NIPBL: variants seen among roughly 807,000 people sequenced by gnomAD.
NIPBL encodes NIPBL cohesin loading factor, also known as nipped-B-like protein.
In NIPBL, 19 loss-of-function variants were observed where a neutral mutation model predicts 321.8. The observed-to-expected ratio is 0.06, with a 90% CI of 0.04 to 0.09. The LOEUF (loss-of-function observed/expected upper bound fraction) is 0.09, where lower values mean the gene tolerates loss of function less well. Ranked by LOEUF, NIPBL falls within the 10% of genes least tolerant of loss-of-function variation. The probability of loss-of-function intolerance (pLI) is 1.00; values close to 1 mark genes in which losing one functional copy is unlikely to be tolerated. For synonymous variants in NIPBL, 1,106 were observed against 1,114.1 expected, an observed-to-expected ratio of 0.99 and a Z score of 0.14; for missense variants, 2,210 against 3,327.0, an observed-to-expected ratio of 0.66 and a Z score of 8.26.
Position 37,050,584 on chromosome 5 carries a change from A to G in NIPBL, c.6955-1195A>G, listed in dbSNP as rs147665262. Among the ~76,000 whole-genome samples the G allele has an allele frequency of 4.3e-3, 648 of 151,982 alleles. 4 individuals carry two copies. The highest frequency in any genetic ancestry group is 0.014 in the African/African-American group (593 of 41,464). Reference sequence around the variant, plus strand: ...CACCATTTGTTGACATTTTGCCACAATTGCTTTCTCTCTCTCCCTTTATAC... The same window carrying G: ...CACCATTTGTTGACATTTTGCCACAGTTGCTTTCTCTCTCTCCCTTTATAC... On this transcript the variant is annotated intron_variant, in intron 40 of 46. Coordinates refer to ENST00000282516, the MANE Select transcript of NIPBL (RefSeq NM_133433.4).
In NIPBL at chr5:37,037,392, A is replaced by AATGT. The variant is rs1554029876; in HGVS notation, c.5971+907_5971+908insGTAT. Among the ~76,000 whole-genome samples, 619 of 145,742 alleles carry AATGT rather than the reference A, an allele frequency of 4.2e-3. 3 individuals are homozygous for AATGT. The highest frequency in any genetic ancestry group is 7.6e-3 in the Non-Finnish European group (505 of 66,546). On this transcript the variant is annotated intron_variant, in intron 33 of 46. Coordinates refer to ENST00000282516, the MANE Select transcript of NIPBL (RefSeq NM_133433.4). ...GACAGAGGGAGACTCCGTCTCAAAAAATATATATATATATATGTATATATA... is the reference window on the plus strand; with the variant it reads ...GACAGAGGGAGACTCCGTCTCAAAAAATGTATATATATATATATATGTATATATA...
intron 1 of NIPBL, among the ~76,000 whole-genome samples, chr5:36,908,235 T>G (rs921522645): frequency 3.9e-5 from 6 of 152,194 alleles, no homozygotes; most frequent in Non-Finnish European, 8.8e-5. Flanking sequence ...AGAGATGAGA[T>G]TACCGAGTGC....
intron 1 of NIPBL, among the ~76,000 whole-genome samples, chr5:36,937,482 A>T (rs921872139): frequency 6.6e-6 from 1 of 152,002 alleles, no homozygotes. Flanking sequence ...GTGTGCATGG[A>T]TTGCATGATT....
In NIPBL at chr5:37,010,191, A is replaced by G; in HGVS notation, c.4526A>G (p.Lys1509Arg). ...QCVVHLPSSE[K>R]DSNAEEDSNK... ...GTGGTACACTTACCATCATCAGAGA[A>G]GGACTCTAATGCAGAAGAAGATTCA... The change falls in exon 21 of 47, where the codon AAG (lysine) becomes AGG (arginine). Residue 1509 changes from lysine (K) to arginine (R), a missense_variant. Physicochemically the swap from Lys to Arg is conservative, Grantham distance 26. Coordinates refer to ENST00000282516, the MANE Select transcript of NIPBL (RefSeq NM_133433.4). The G allele has an allele frequency of 6.2e-7, 1 of 1,610,164 alleles. No homozygotes were observed. Among genetic ancestry groups the G allele is most frequent in the Non-Finnish European group, 8.5e-7 (1 of 1,176,500 alleles).
rs551742471 is a variant in NIPBL at position 36,917,314 on chromosome 5, C to A, written c.-79-36304C>A. 3.3e-5 allele frequency among the ~76,000 whole-genome samples: 5 copies of A among 152,192 alleles called. No individual in the cohort carries two copies. In the East Asian group the frequency reaches 9.7e-4, roughly 29 times the overall value. On this transcript the variant is annotated intron_variant, in intron 1 of 46. Coordinates refer to ENST00000282516, the MANE Select transcript of NIPBL (RefSeq NM_133433.4). ...TCTTTTGAGAAGTGTCTGTTCATAT[C>A]CTTCGCCCCCTTTTTGATGGGGTTG...
In NIPBL at chr5:36,964,326, A is replaced by G. The variant is rs545979173; in HGVS notation, c.610+2052A>G. 2.6e-5 allele frequency among the ~76,000 whole-genome samples: 4 copies of G among 152,314 alleles called. No homozygotes were observed. In the East Asian group the frequency reaches 7.7e-4, roughly 29 times the overall value. On this transcript the variant is annotated intron_variant, in intron 6 of 46. Transcript: ENST00000282516. The stretch of plus-strand genomic sequence containing the variant: ...GAGGAAAAAGAAAAAAGCTGGAGGC[A>G]TCACACTACCTGACTTAAAAATACA...
intron 9 of NIPBL, among the ~76,000 whole-genome samples, chr5:36,980,847 C>T (rs1744057569): frequency 6.6e-6 from 1 of 151,558 alleles, no homozygotes; most frequent in African/African-American, 2.4e-5. Context: ...TGGCATATTG[C>T]ATTCAGTTTC....
At chr5:36,889,970 T>G (rs1273154588) in intron 1 of NIPBL, among the ~76,000 whole-genome samples, 1 of 152,050 alleles carries the variant, frequency 6.6e-6, no homozygotes, top group Non-Finnish European at 1.5e-5. Context: ...ATTTTATGTT[T>G]TTCCTACTAA....
In NIPBL at chr5:36,996,798, A is replaced by G. The variant is rs568479080; in HGVS notation, c.3304+994A>G. The G allele has an allele frequency of 5.4e-5, 12 of 220,300 alleles. No individual in the cohort carries two copies. Among genetic ancestry groups the G allele is most frequent in the Non-Finnish European group, 1.1e-4 (12 of 108,254 alleles). 13.6% of individuals were successfully genotyped at this position (220,300 alleles called of 1,614,324 possible). A position where few individuals can be genotyped will look rare whatever the true frequency, so the allele number is the denominator to read the frequency against. On this transcript the variant is annotated intron_variant, in intron 11 of 46. Transcript: ENST00000282516. The surrounding 1 kb of genome is among the most constrained non-coding windows in gnomAD (Gnocchi z 5.0). ...CCTAGTGTCCATAGATTGAGGTGTG[A>G]CAAGCAAGGGCAGGAAGGACAGATG... is the stretch of plus-strand genomic sequence containing the variant.
chr5:36,888,985 G>A (rs1406311543), intron 1 of NIPBL, among the ~76,000 whole-genome samples: 1 of 152,110 alleles, frequency 6.6e-6, no homozygotes, highest in African/African-American at 2.4e-5. Flanking sequence ...GTTTACAAAG[G>A]CTGAAGGGAG....
At chr5:37,057,947 T>C (rs533443931) in intron 43 of NIPBL, among the ~76,000 whole-genome samples, 1 of 152,356 alleles carries the variant, frequency 6.6e-6, no homozygotes, top group South Asian at 2.1e-4. Context: ...TATTCTCATG[T>C]ATCTAATGAT....
At chr5:36,926,204 T>C (rs1171584529) in intron 1 of NIPBL, among the ~76,000 whole-genome samples, 3 of 152,252 alleles carry the variant, frequency 2.0e-5, no homozygotes, top group East Asian at 1.9e-4. Flanking sequence ...AAAATGTTAC[T>C]GACTGTTCCA....
chr5:36,883,962 A>G (rs1373471590), intron 1 of NIPBL, among the ~76,000 whole-genome samples: 1 of 151,996 alleles, frequency 6.6e-6, no homozygotes, highest in Non-Finnish European at 1.5e-5. Flanking sequence ...GGTTCTGCGT[A>G]TACCTCAGAA....
chr5:37,014,220 TGGAGAGGGAGAGGGAGAGGGAGAA>T (rs1348075461), intron 21 of NIPBL, among the ~76,000 whole-genome samples: 2,651 of 149,188 alleles, frequency 0.018, 31 homozygotes, highest in Middle Eastern at 0.043. Context: ...AGGGAGACCG[TGGAGAGGGAGAGGGAGAGGGAGAA>T]GGAGAGGGAG....
intron 32 of NIPBL, among the ~76,000 whole-genome samples, chr5:37,030,919 C>CTTTTTT (rs11291612): frequency 2.4e-5 from 2 of 82,384 alleles, no homozygotes; most frequent in Non-Finnish European, 4.5e-5. Flanking sequence ...CATGTTTAGC[C>CTTTTTT]TTTTTTTTTT....
intron 21 of NIPBL, among the ~76,000 whole-genome samples, chr5:37,011,030 A>G (rs1748055114): frequency 6.6e-6 from 1 of 152,206 alleles, no homozygotes; most frequent in Non-Finnish European, 1.5e-5. Context: ...ATAACATAGG[A>G]TTATAATTAA....
chr5:37,048,572 A>G lies in NIPBL; in HGVS notation c.6660A>G (p.Leu2220=). The change falls in exon 39 of 47, where the codon TTA becomes TTG. Residue 2220 remains leucine (L), a synonymous_variant. Coordinates refer to ENST00000282516, the MANE Select transcript of NIPBL (RefSeq NM_133433.4). The part of the protein sequence containing the change: ...QEVKNLYNNI[L]SDKNSSVNLK... ...TGAAGAATCTATATAATAATATTTTATCTGATAAGAACTCCTCAGTCAATT... is the reference window on the plus strand; with the variant it reads ...TGAAGAATCTATATAATAATATTTTGTCTGATAAGAACTCCTCAGTCAATT... 1.3e-6 allele frequency: 2 copies of G among 1,590,402 alleles called. No homozygotes were observed. Among genetic ancestry groups the G allele is most frequent in the Non-Finnish European group, 1.7e-6 (2 of 1,166,146 alleles).
intron 1 of NIPBL, among the ~76,000 whole-genome samples, chr5:36,889,914 TG>T (rs577306243): frequency 2.6e-5 from 4 of 151,446 alleles, no homozygotes; most frequent in Non-Finnish European, 5.9e-5. Context: ...AGAACCAATG[TG>T]AAAAAAAAAA....
chr5:36,998,873 C>G (rs1421224698), intron 11 of NIPBL, among the ~76,000 whole-genome samples: 1 of 152,110 alleles, frequency 6.6e-6, no homozygotes, highest in Admixed American at 6.6e-5. Context: ...AGGAACAGTC[C>G]TATCACTCTT....
Sources: gnomAD v4.1 joint callset for allele counts (sites outside exome capture counted in the v4.1 genomes callset) on GRCh38, gnomAD v4.1.1 for gene constraint, Gnocchi (gnomAD v3.1) non-coding constraint, MANE v1.5 for transcripts, NCBI Gene and HGNC (gene_info 2026-07-23, HGNC 2026-07-21) for gene names.